The following RAPGEF6 variants were observed in gnomAD, a reference collection of about 807,000 sequenced individuals.
RAPGEF6 encodes Rap guanine nucleotide exchange factor 6.
In RAPGEF6, 56 loss-of-function variants were observed where a neutral mutation model predicts 171.4. That is an observed-to-expected ratio of 0.33 (90% CI 0.26 to 0.41). RAPGEF6 has a LOEUF of 0.41. RAPGEF6 is among the 10% of genes least tolerant of loss of function. The pLI is 1.00. For synonymous variants in RAPGEF6, 692 were observed against 650.1 expected (o/e 1.06, Z -0.98); for missense variants, 1,674 against 1,921.4 (o/e 0.87, Z 2.41).
At chr5:131,520,331 C>T (rs1758394172) in intron 7 of RAPGEF6, among the ~76,000 whole-genome samples, 1 of 152,114 alleles carries the variant, frequency 6.6e-6, no homozygotes, top group African/African-American at 2.4e-5. Context: ...TTAAATTAAA[C>T]TCTGTTTTTT....
intron 17 of RAPGEF6, among the ~76,000 whole-genome samples, chr5:131,467,567 T>C (rs1580870898): frequency 3.3e-5 from 5 of 152,344 alleles, no homozygotes; most frequent in Admixed American, 3.3e-4. Flanking sequence ...AAGCACAATA[T>C]TTGGCATGCA....
chr5:131,504,518 A>G, intron 11 of RAPGEF6, 108 bp downstream of exon 11: 4 of 1,180,760 alleles, frequency 3.4e-6, no homozygotes, highest in South Asian at 3.6e-5. Flanking sequence ...TTAGATGCCA[A>G]AGTGTTAATG....
chr5:131,443,861 T>C (rs1752529732), intron 22 of RAPGEF6, among the ~76,000 whole-genome samples: 2 of 152,336 alleles, frequency 1.3e-5, no homozygotes, highest in South Asian at 4.1e-4. Context: ...AATAAATAAG[T>C]GAAATTATCT....
rs144295731 is a variant in RAPGEF6 at position 131,541,484 on chromosome 5, A to G, written c.495+6563T>C. ...TAAATAAGAAAAGGATTTATATGCC[A>G]TATACTCTCAAGATTCTTAATTTTT... On this transcript the variant is annotated intron_variant, in intron 6 of 27. Transcript: ENST00000509018. Among the ~76,000 whole-genome samples, 4 of 152,168 alleles carry G rather than the reference A, an allele frequency of 2.6e-5. No individual in the cohort carries two copies. In the East Asian group the frequency reaches 7.7e-4, roughly 29 times the overall value.
chr5:131,527,816 C>G (rs1758991038), intron 6 of RAPGEF6, among the ~76,000 whole-genome samples: 1 of 151,762 alleles, frequency 6.6e-6, no homozygotes, highest in South Asian at 2.1e-4. Flanking sequence ...GAGATCGAGA[C>G]CATCCTGGCT....
chr5:131,633,676 A>C (rs1483268255), intron 1 of RAPGEF6, among the ~76,000 whole-genome samples: 1 of 152,130 alleles, frequency 6.6e-6, no homozygotes. Flanking sequence ...GGTTGTAGTG[A>C]GCCAATATCG....
intron 20 of RAPGEF6, 43 bp from the exon 21 acceptor site, chr5:131,453,220 C>T: frequency 6.5e-7 from 1 of 1,547,786 alleles, no homozygotes; most frequent in Non-Finnish European, 8.8e-7. Flanking sequence ...ATTAAATTAT[C>T]TACATAAAAG....
chr5:131,581,997 C>T, intron 4 of RAPGEF6, among the ~76,000 whole-genome samples: 1 of 152,138 alleles, frequency 6.6e-6, no homozygotes, highest in South Asian at 2.1e-4. Context: ...ATATCCATCC[C>T]CTGCCGGCAA....
intron 6 of RAPGEF6, among the ~76,000 whole-genome samples, chr5:131,523,203 T>C (rs1758618995): frequency 6.6e-6 from 1 of 151,192 alleles, no homozygotes; most frequent in Admixed American, 6.6e-5. Flanking sequence ...ATACCAGGGG[T>C]TGGCAAACAT....
At chr5:131,588,680 T>C (rs1179056315) in intron 4 of RAPGEF6, among the ~76,000 whole-genome samples, 2 of 151,510 alleles carry the variant, frequency 1.3e-5, no homozygotes, top group Non-Finnish European at 2.9e-5. Flanking sequence ...GAGGCAGAGG[T>C]TGAGGTGAGC....
At chr5:131,596,919 G>A (rs780396482) in intron 3 of RAPGEF6, among the ~76,000 whole-genome samples, 7 of 152,200 alleles carry the variant, frequency 4.6e-5, no homozygotes, top group Middle Eastern at 3.4e-3. Flanking sequence ...AAGTTTTTGC[G>A]CAGCAAAGGA....
intron 4 of RAPGEF6, among the ~76,000 whole-genome samples, chr5:131,582,054 A>G (rs1024943486): frequency 6.6e-6 from 1 of 152,148 alleles, no homozygotes; most frequent in Non-Finnish European, 1.5e-5. Context: ...ATAAGAACCA[A>G]TGATAATCCC....
At chr5:131,522,671 C>T (rs531057081) in intron 6 of RAPGEF6, among the ~76,000 whole-genome samples, 1 of 152,290 alleles carries the variant, frequency 6.6e-6, no homozygotes, top group South Asian at 2.1e-4. Flanking sequence ...TACATACACA[C>T]ACACACAGTA....
intron 17 of RAPGEF6, among the ~76,000 whole-genome samples, chr5:131,465,201 C>T (rs544444376): frequency 7.9e-5 from 12 of 152,122 alleles, no homozygotes; most frequent in Non-Finnish European, 1.8e-4. Context: ...TTTAAATGTT[C>T]ACCTGGTGAA....
intron 6 of RAPGEF6, among the ~76,000 whole-genome samples, chr5:131,542,892 A>G (rs986710341): frequency 1.1e-4 from 17 of 152,240 alleles, no homozygotes; most frequent in African/African-American, 4.1e-4. Flanking sequence ...CAGGTAAAAG[A>G]GAAAGTTGGA....
Position 131,504,783 on chromosome 5 carries a change from C to T in RAPGEF6, c.1102-5G>A. ...TTGCTGGGCTATGCAGACAAACTGT[C>T]CAAGAACAACATGGGGACAGTTAAT... On this transcript the variant is annotated splice_polypyrimidine_tract_variant and splice_region_variant and intron_variant, in intron 10 of 27. Transcript: ENST00000509018. 1.2e-6 allele frequency: 2 copies of T among 1,607,836 alleles called. No individual in the cohort carries two copies. Among genetic ancestry groups the T allele is most frequent in the African/African-American group, 1.3e-5 (1 of 74,672 alleles).
rs552923982 is a variant in RAPGEF6 at position 131,590,450 on chromosome 5, T to C, written c.281+1933A>G. Among the ~76,000 whole-genome samples the C allele has an allele frequency of 4.6e-5, 7 of 152,294 alleles. No individual in the cohort carries two copies. In the South Asian group the frequency reaches 1.2e-3, roughly 27 times the overall value. The stretch of plus-strand genomic sequence containing the variant: ...AACTTCACTTGTTCCAATTACGGTA[T>C]GGTTTCTGTATTCTGACTGAAGAAG... On this transcript the variant is annotated intron_variant, in intron 4 of 27. Transcript: ENST00000509018.
intron 15 of RAPGEF6, among the ~76,000 whole-genome samples, chr5:131,482,293 C>G (rs1755541981): frequency 6.8e-6 from 1 of 147,246 alleles, no homozygotes; most frequent in South Asian, 2.2e-4. Context: ...TGTGTGTATA[C>G]ATGTATATAT....
chr5:131,510,150 GAACC>G (rs2149894708), intron 8 of RAPGEF6, among the ~76,000 whole-genome samples, 160 bp downstream of exon 8: 1 of 152,292 alleles, frequency 6.6e-6, no homozygotes, highest in South Asian at 2.1e-4. Context: ...TACCAAGCCA[GAACC>G]ACTCAGCTAA....
Sources: gnomAD v4.1 joint callset for allele counts (sites outside exome capture counted in the v4.1 genomes callset) on GRCh38, gnomAD v4.1.1 for gene constraint, MANE v1.5 for transcripts, NCBI Gene and HGNC (gene_info 2026-07-23, HGNC 2026-07-21) for gene names.